Variants in PRRC2B observed in about 807,000 individuals in gnomAD.
PRRC2B encodes proline rich coiled-coil 2B.
Under a neutral mutation model 242.3 loss-of-function variants are expected in PRRC2B, and 68 were observed. The ratio of observed to expected loss-of-function variants is 0.28; its 90% confidence interval spans 0.23 to 0.34. The LOEUF (loss-of-function observed/expected upper bound fraction) is 0.34, where lower values mean the gene tolerates loss of function less well. Among genes scored for constraint, PRRC2B ranks in the 10% least tolerant of loss-of-function variants. The pLI is 1.00. For synonymous variants in PRRC2B, 1,228 were observed against 1,173.6 expected (o/e 1.05, Z -0.95); for missense variants, 2,835 against 2,954.8 (o/e 0.96, Z 0.94).
chr9:131,416,821 A>G lies in PRRC2B; in HGVS notation c.-51-13273A>G, dbSNP rs187290582. The stretch of plus-strand genomic sequence containing the variant: ...CTGAGGTTATGGGGTTTGGGCTATA[A>G]CATGCTTAATTGTAACTAGGGTGAT... On this transcript the variant is annotated intron_variant, in intron 1 of 31. Coordinates refer to ENST00000683519, the MANE Select transcript of PRRC2B (RefSeq NM_013318.4). 5.4e-3 allele frequency among the ~76,000 whole-genome samples: 817 copies of G among 152,310 alleles called. 8 individuals are homozygous for G. Among genetic ancestry groups the G allele is most frequent in the Middle Eastern group, 0.014 (4 of 294 alleles).
chr9:131,376,169 T>C (rs1836681870), intron 1 of PRRC2B, among the ~76,000 whole-genome samples: 1 of 150,598 alleles, frequency 6.6e-6, no homozygotes, highest in African/African-American at 2.5e-5. Context: ...CTGACCAACA[T>C]GGTGAAACCC....
At chr9:131,381,472 G>A (rs542996763) in intron 1 of PRRC2B, among the ~76,000 whole-genome samples, 25 of 137,856 alleles carry the variant, frequency 1.8e-4, no homozygotes, top group Non-Finnish European at 2.9e-4. Flanking sequence ...AGGCTGGAGT[G>A]CAATGGTGCG....
Position 131,465,014 on chromosome 9 carries a change from A to C in PRRC2B, c.1656A>C (p.Glu552Asp). The C allele has an allele frequency of 6.2e-7, 1 of 1,613,962 alleles. No individual in the cohort carries two copies. The highest frequency in any genetic ancestry group is 8.5e-7 in the Non-Finnish European group (1 of 1,179,878). The change falls in exon 12 of 32, where the codon GAA (glutamate) becomes GAC (aspartate). Residue 552 changes from glutamate (E) to aspartate (D), a missense_variant. This residue lies in a region of PRRC2B where 1,536 missense variants were observed against 1,483.1 expected (regional missense o/e 1.04). Transcript: ENST00000683519. ...AGGCCCGGAAGCAGGCAGAGAAGGA[A>C]GTGCCCTGGTCTCCAAGTGCTGAGA... ...AGEARKQAEK[E>D]VPWSPSAEKA...
Position 131,476,157 on chromosome 9 carries a change from C to A in PRRC2B, c.4028C>A (p.Pro1343His), listed in dbSNP as rs1943690088. 6.2e-7 allele frequency: 1 copy of A among 1,612,970 alleles called. No homozygotes were observed. The highest frequency in any genetic ancestry group is 1.3e-5 in the African/African-American group (1 of 74,934). Reference protein sequence around the residue: ...HLLAGQWPGRPKLCSGDKSGT... With the variant: ...HLLAGQWPGRHKLCSGDKSGT... Reference sequence around the variant, plus strand: ...CTGGCAGGTCAGTGGCCAGGCAGGCCCAAACTGTGTTCTGGGGACAAGAGT... The same window carrying A: ...CTGGCAGGTCAGTGGCCAGGCAGGCACAAACTGTGTTCTGGGGACAAGAGT... The change falls in exon 16 of 32, where the codon CCC becomes CAC. Residue 1343 changes from proline (P) to histidine (H), a missense_variant. By Grantham distance (77) the Pro-to-His change is moderately conservative (BLOSUM62 -2). Coordinates refer to ENST00000683519, the MANE Select transcript of PRRC2B (RefSeq NM_013318.4).
chr9:131,428,833 GTT>G (rs980663943), intron 1 of PRRC2B, among the ~76,000 whole-genome samples: 1 of 152,236 alleles, frequency 6.6e-6, no homozygotes, highest in Non-Finnish European at 1.5e-5. Flanking sequence ...CCCATCAAGT[GTT>G]TGGTTTTTGG....
chr9:131,476,664 G>A (rs1279299839), intron 16 of PRRC2B, 129 bp downstream of exon 16: 40 of 770,714 alleles, frequency 5.2e-5, no homozygotes, highest in East Asian at 3.2e-4. Flanking sequence ...GTCTGTGCGC[G>A]TCTCCATTGC....
At chr9:131,464,339 G>A (rs767586146) in intron 11 of PRRC2B, among the ~76,000 whole-genome samples, 2 of 152,246 alleles carry the variant, frequency 1.3e-5, no homozygotes, top group Admixed American at 6.5e-5. Flanking sequence ...ATTGTTGTGC[G>A]GGCAGGAGTA....
chr9:131,456,780 T>C (rs1432948629), intron 10 of PRRC2B, among the ~76,000 whole-genome samples: 40 of 152,196 alleles, frequency 2.6e-4, no homozygotes, highest in Admixed American at 2.6e-3. Flanking sequence ...CACTCCAGCC[T>C]GAGTGACAGA....
At chr9:131,463,039 T>C (rs556031514) in intron 11 of PRRC2B, among the ~76,000 whole-genome samples, 1 of 152,154 alleles carries the variant, frequency 6.6e-6, no homozygotes, top group East Asian at 1.9e-4. Flanking sequence ...CTATGTGCAG[T>C]GGTGTATTGA....
chr9:131,470,028 G>A (rs1198356669), intron 13 of PRRC2B, among the ~76,000 whole-genome samples: 2 of 152,132 alleles, frequency 1.3e-5, no homozygotes, highest in African/African-American at 4.8e-5. Context: ...TCTAGAGGAG[G>A]ATGTGTTTAA....
At chr9:131,486,420 G>A (rs749148802) in intron 26 of PRRC2B, 34 of 906,154 alleles carry the variant, frequency 3.8e-5, no homozygotes, top group Non-Finnish European at 3.8e-5. Flanking sequence ...CTTTCTCAAA[G>A]TTCTCCCTCC....
intron 1 of PRRC2B, among the ~76,000 whole-genome samples, chr9:131,375,352 T>C (rs927386335): frequency 2.6e-5 from 4 of 152,028 alleles, no homozygotes; most frequent in African/African-American, 7.2e-5. Flanking sequence ...TGAGCCGAGA[T>C]TGCGTCACAG....
At chr9:131,396,601 C>T (rs549705023) in intron 1 of PRRC2B, among the ~76,000 whole-genome samples, 29 of 152,190 alleles carry the variant, frequency 1.9e-4, no homozygotes, top group Non-Finnish European at 3.5e-4. Flanking sequence ...GCTGGGATTA[C>T]AGGCCTGAGC....
chr9:131,486,355 A>G (rs544952301), intron 26 of PRRC2B, 173 bp downstream of exon 26: 1 of 477,450 alleles, frequency 2.1e-6, no homozygotes, highest in East Asian at 1.5e-4. Context: ...TTAAGCGAAT[A>G]ATCGAGACAG....
At chr9:131,419,861 G>A (rs909828143) in intron 1 of PRRC2B, among the ~76,000 whole-genome samples, 2 of 151,974 alleles carry the variant, frequency 1.3e-5, no homozygotes, top group African/African-American at 4.8e-5. Flanking sequence ...GGGGGGGTCT[G>A]GACTTGACCC....
chr9:131,385,824 G>A (rs947287154), intron 1 of PRRC2B, among the ~76,000 whole-genome samples: 3 of 149,812 alleles, frequency 2.0e-5, no homozygotes, highest in African/African-American at 7.3e-5. Context: ...CTCCTGAATA[G>A]CTGGGACTAC....
intron 23 of PRRC2B, 43 bp downstream of exon 23, chr9:131,483,488 G>T: frequency 6.4e-7 from 1 of 1,560,782 alleles, no homozygotes; most frequent in Non-Finnish European, 8.8e-7. Flanking sequence ...ACTGCTTGGG[G>T]CTGGCAGGCC....
At chr9:131,456,458 C>T (rs1380845358) in intron 10 of PRRC2B, among the ~76,000 whole-genome samples, 12 of 151,758 alleles carry the variant, frequency 7.9e-5, no homozygotes, top group African/African-American at 2.2e-4. Context: ...AGTGAAACCC[C>T]GTCTCTACTA....
chr9:131,428,545 C>G (rs1283316976), intron 1 of PRRC2B, among the ~76,000 whole-genome samples: 1 of 152,010 alleles, frequency 6.6e-6, no homozygotes, highest in South Asian at 2.1e-4. Context: ...TATAAGCATG[C>G]ACCACCATCT....
Sources: allele counts gnomAD v4.1 joint callset (sites outside exome capture counted in the v4.1 genomes callset), GRCh38; gene constraint gnomAD v4.1.1; regional missense constraint gnomAD v4.1.1; transcripts MANE v1.5; gene names NCBI Gene and HGNC (gene_info 2026-07-23, HGNC 2026-07-21).